Variants in KCNIP4 observed in about 807,000 individuals in gnomAD.
The protein encoded by KCNIP4 is potassium voltage-gated channel interacting protein 4.
In KCNIP4, 12 loss-of-function variants were observed where a neutral mutation model predicts 34.0. That is an observed-to-expected ratio of 0.35 (90% confidence interval 0.23 to 0.57). The LOEUF (loss-of-function observed/expected upper bound fraction) is 0.57, where lower values mean the gene tolerates loss of function less well. KCNIP4 is among the 20% of genes least tolerant of loss of function. KCNIP4 has a pLI of 0.83. For synonymous variants in KCNIP4, 124 were observed against 102.2 expected (o/e 1.21, Z -1.29); for missense variants, 238 against 311.7 (o/e 0.76, Z 1.78).
chr4:21,487,395 C>T (rs1178362660), intron 1 of KCNIP4, among the ~76,000 whole-genome samples: 2 of 152,178 alleles, frequency 1.3e-5, no homozygotes. Context: ...TACATCCCAT[C>T]ATGTCAAGGA....
At chr4:21,584,668 C>T (rs10024079) in intron 1 of KCNIP4, among the ~76,000 whole-genome samples, 18,292 of 152,092 alleles carry the variant, frequency 0.12, 1,213 homozygotes, top group African/African-American at 0.15. Flanking sequence ...ACATGTGGCT[C>T]AAGACCATGC....
chr4:21,130,916 A>C (rs1751019982), intron 1 of KCNIP4, among the ~76,000 whole-genome samples: 1 of 152,182 alleles, frequency 6.6e-6, no homozygotes, highest in African/African-American at 2.4e-5. Context: ...AAATTCACTT[A>C]ATATCCCTCT....
intron 1 of KCNIP4, among the ~76,000 whole-genome samples, chr4:21,504,578 TA>T (rs1452580232): frequency 6.8e-6 from 1 of 147,394 alleles, no homozygotes; most frequent in Non-Finnish European, 1.5e-5. Flanking sequence ...GAAAAATAAA[TA>T]AATGAATCTC....
intron 1 of KCNIP4, among the ~76,000 whole-genome samples, chr4:21,941,623 G>A (rs967005102): frequency 6.6e-6 from 1 of 152,096 alleles, no homozygotes; most frequent in Non-Finnish European, 1.5e-5. Context: ...AATTGTTGCT[G>A]TAAAATGTTT....
chr4:21,583,379 CTACTT>C (rs892258002), intron 1 of KCNIP4, among the ~76,000 whole-genome samples: 7 of 151,818 alleles, frequency 4.6e-5, no homozygotes, highest in Admixed American at 6.6e-5. Context: ...ATTAAAATAT[CTACTT>C]TATAAGGTAG....
At chr4:21,207,396 G>T (rs1392819115) in intron 1 of KCNIP4, among the ~76,000 whole-genome samples, 3 of 152,074 alleles carry the variant, frequency 2.0e-5, no homozygotes, top group Non-Finnish European at 2.9e-5. Flanking sequence ...TGGGATTATA[G>T]AATTTCTCAT....
intron 1 of KCNIP4, among the ~76,000 whole-genome samples, chr4:21,380,363 C>T (rs1721365900): frequency 1.4e-5 from 2 of 144,490 alleles, no homozygotes; most frequent in South Asian, 4.7e-4. Flanking sequence ...TACAATTTTC[C>T]TGTCTTTTAC....
chr4:21,692,745 C>T (rs188604877), intron 1 of KCNIP4, among the ~76,000 whole-genome samples: 4 of 150,122 alleles, frequency 2.7e-5, no homozygotes, highest in Admixed American at 2.7e-4. Context: ...AATTTCAGAG[C>T]ATGCGGGCCA....
chr4:20,837,672 A>C (rs1719210594), intron 3 of KCNIP4, among the ~76,000 whole-genome samples: 1 of 79,454 alleles, frequency 1.3e-5, no homozygotes, highest in African/African-American at 5.1e-5. Flanking sequence ...CTATATATAT[A>C]TATATATATA....
chr4:21,891,421 A>G (rs1336210350), intron 1 of KCNIP4, among the ~76,000 whole-genome samples: 1 of 152,124 alleles, frequency 6.6e-6, no homozygotes, highest in Non-Finnish European at 1.5e-5. Context: ...GGAAAGTTCC[A>G]TAGGGTTCTT....
chr4:20,758,114 G>T lies in KCNIP4; in HGVS notation c.358+707C>A, dbSNP rs532869175. On this transcript the variant is annotated intron_variant, in intron 4 of 8. Coordinates refer to ENST00000382152, the MANE Select transcript of KCNIP4 (RefSeq NM_025221.6). ...CATGGCTAGGCACACCATAGGCTGT[G>T]GGACAAATATAAGTTGGGCATCTGT... Among the ~76,000 whole-genome samples, 195 of 152,218 alleles carry T rather than the reference G, an allele frequency of 1.3e-3. 1 individual carries two copies. The highest frequency in any genetic ancestry group is 4.3e-3 in the African/African-American group (180 of 41,528).
At chr4:21,114,684 T>G (rs1200835210) in intron 1 of KCNIP4, among the ~76,000 whole-genome samples, 1 of 152,294 alleles carries the variant, frequency 6.6e-6, no homozygotes, top group African/African-American at 2.4e-5. Flanking sequence ...TATTCACTAC[T>G]CAGTACTTTA....
intron 1 of KCNIP4, among the ~76,000 whole-genome samples, chr4:21,300,290 G>T (rs1311045636): frequency 1.3e-5 from 2 of 152,028 alleles, no homozygotes; most frequent in Admixed American, 6.6e-5. Flanking sequence ...ATAGTTGAAA[G>T]AAAAAGGCAA....
intron 1 of KCNIP4, among the ~76,000 whole-genome samples, chr4:20,905,833 T>C (rs1727702511): frequency 6.6e-6 from 1 of 152,020 alleles, no homozygotes; most frequent in Non-Finnish European, 1.5e-5. Context: ...TAGTTGAATA[T>C]TTTCTAATCA....
intron 1 of KCNIP4, among the ~76,000 whole-genome samples, chr4:21,630,250 A>G (rs529092604): frequency 6.6e-6 from 1 of 151,962 alleles, no homozygotes; most frequent in Admixed American, 6.6e-5. Flanking sequence ...GTGGATCACG[A>G]GGTCAAGAGA....
At chr4:20,889,467 A>G (rs868178921) in intron 1 of KCNIP4, among the ~76,000 whole-genome samples, 38 of 152,164 alleles carry the variant, frequency 2.5e-4, no homozygotes, top group Admixed American at 1.6e-3. Flanking sequence ...AAAATGTAAG[A>G]TGATTTTTAA....
At chr4:21,386,555 T>C (rs967139516) in intron 1 of KCNIP4, among the ~76,000 whole-genome samples, 1 of 152,224 alleles carries the variant, frequency 6.6e-6, no homozygotes, top group Non-Finnish European at 1.5e-5. Flanking sequence ...TCATAAAATA[T>C]TTCTGAGGAT....
intron 1 of KCNIP4, chr4:21,848,344 G>A (rs1346020116): frequency 6.6e-6 from 1 of 152,118 alleles, no homozygotes; most frequent in Non-Finnish European, 1.5e-5. Context: ...TCATAATCAG[G>A]CAGTGCTGAG....
chr4:21,322,407 TCCAGGGCTTGTGCACAGGCTA>T, intron 1 of KCNIP4, among the ~76,000 whole-genome samples: 1 of 152,218 alleles, frequency 6.6e-6, no homozygotes, highest in Middle Eastern at 3.4e-3. Flanking sequence ...TCCTATTAAG[TCCAGGGCTTGTGCACAGGCTA>T]CCTGCCAACT....
Sources: allele counts gnomAD v4.1 joint callset (sites outside exome capture counted in the v4.1 genomes callset), GRCh38; gene constraint gnomAD v4.1.1; transcripts MANE v1.5; gene names NCBI Gene and HGNC (gene_info 2026-07-23, HGNC 2026-07-21).